The following APBB2 variants were observed in gnomAD, a reference collection of about 807,000 sequenced individuals.
APBB2 encodes Fe65-like 1.
In APBB2, 38 loss-of-function variants were observed where a neutral mutation model predicts 82.5. That is an observed-to-expected ratio of 0.46 (90% CI 0.36 to 0.60). The LOEUF is 0.60. Among genes scored for constraint, APBB2 ranks in the 20% least tolerant of loss-of-function variants. The pLI is 0.00. For synonymous variants in APBB2, 341 were observed against 368.2 expected (o/e 0.93, Z 0.85); for missense variants, 772 against 972.3 (o/e 0.79, Z 2.74).
chr4:41,183,609 C>T (rs560114629), intron 1 of APBB2, among the ~76,000 whole-genome samples: 5 of 152,152 alleles, frequency 3.3e-5, no homozygotes, highest in African/African-American at 1.2e-4. Flanking sequence ...AGGAATGCCA[C>T]ATATTGCCAG....
intron 7 of APBB2, among the ~76,000 whole-genome samples, chr4:40,939,240 G>T (rs1786208033): frequency 6.6e-6 from 1 of 152,164 alleles, no homozygotes; most frequent in Admixed American, 6.5e-5. Flanking sequence ...GAATGCTGGG[G>T]TTCAAATTCT....
rs570694599 is a variant in APBB2, at chr4:41,174,265, C to A, written c.-416-31123G>T. 4.3e-4 allele frequency among the ~76,000 whole-genome samples: 65 copies of A among 152,298 alleles called. No individual in the cohort carries two copies. The South Asian group carries it at 0.013, about 32-fold the overall frequency. On this transcript the variant is annotated intron_variant, in intron 1 of 17. Coordinates refer to ENST00000508593, the MANE Select transcript of APBB2 (RefSeq NM_004307.2). The stretch of plus-strand genomic sequence containing the variant: ...TCACAATCACGGGATTAATATAATA[C>A]ATACAAGCATGCACACACACATATC...
intron 6 of APBB2, among the ~76,000 whole-genome samples, chr4:40,945,604 T>C (rs1288706040): frequency 2.0e-5 from 3 of 152,194 alleles, no homozygotes; most frequent in African/African-American, 7.2e-5. Context: ...AGTAGTCTTT[T>C]ATAATACTCT....
At chr4:40,986,368 T>G (rs559924570) in intron 6 of APBB2, among the ~76,000 whole-genome samples, 1 of 152,378 alleles carries the variant, frequency 6.6e-6, no homozygotes, top group South Asian at 2.1e-4. Context: ...TTTCTATCCT[T>G]CTTCACATGA....
At chr4:40,823,620 A>G in intron 16 of APBB2, 24 bp downstream of exon 16, 2 of 1,511,590 alleles carry the variant, frequency 1.3e-6, no homozygotes, top group Non-Finnish European at 1.8e-6. Flanking sequence ...AGACACACCA[A>G]TGTCATCGAA....
At chr4:40,880,195 TGA>T in intron 12 of APBB2, 3 of 983,348 alleles carry the variant, frequency 3.1e-6, no homozygotes, top group Non-Finnish European at 3.6e-6. Flanking sequence ...TTGCAAATGG[TGA>T]GATTCCTACT....
At chr4:40,990,572 C>T (rs984046945) in intron 6 of APBB2, among the ~76,000 whole-genome samples, 4 of 152,134 alleles carry the variant, frequency 2.6e-5, no homozygotes, top group Admixed American at 6.5e-5. Flanking sequence ...CACAGCCTAC[C>T]ATTCCAAACC....
intron 6 of APBB2, among the ~76,000 whole-genome samples, chr4:40,946,254 A>AAAAAAAAAAAAAAAAAAC (rs1553875174): frequency 0.015 from 1,684 of 114,386 alleles, 170 homozygotes; most frequent in Non-Finnish European, 0.022. Context: ...AAAAAAAAAA[A>AAAAAAAAAAAAAAAAAAC]CATTCCCAAG....
intron 4 of APBB2, among the ~76,000 whole-genome samples, chr4:41,051,759 C>T (rs1261098539): frequency 6.6e-6 from 1 of 152,194 alleles, no homozygotes; most frequent in Middle Eastern, 3.2e-3. Flanking sequence ...CTAAGAGCAT[C>T]TACCACCTTT....
chr4:41,159,624 T>C (rs1238579838), intron 1 of APBB2, among the ~76,000 whole-genome samples: 1 of 152,190 alleles, frequency 6.6e-6, no homozygotes, highest in East Asian at 1.9e-4. Flanking sequence ...AAAATCACTA[T>C]GTAATCTGTC....
chr4:40,960,316 T>C (rs1019740335), intron 6 of APBB2, among the ~76,000 whole-genome samples: 3 of 151,862 alleles, frequency 2.0e-5, no homozygotes, highest in Non-Finnish European at 4.4e-5. Context: ...ATAAAACATA[T>C]AAATATATTT....
chr4:40,852,249 G>C (rs527308904), intron 12 of APBB2, among the ~76,000 whole-genome samples: 17 of 151,770 alleles, frequency 1.1e-4, no homozygotes, highest in African/African-American at 1.5e-4. Context: ...TATTTGGGAG[G>C]CTGAGGCAGG....
chr4:40,925,783 T>C (rs1782468785), intron 10 of APBB2, among the ~76,000 whole-genome samples: 1 of 152,370 alleles, frequency 6.6e-6, no homozygotes, highest in East Asian at 1.9e-4. Context: ...TATCTATTAG[T>C]GCTAATCTAG....
At chr4:41,061,157 A>T (rs901298046) in intron 4 of APBB2, among the ~76,000 whole-genome samples, 3 of 152,234 alleles carry the variant, frequency 2.0e-5, no homozygotes, top group African/African-American at 4.8e-5. Context: ...AACAGTCCAG[A>T]TCCTCACAGC....
chr4:40,880,225 G>T (rs747725594), intron 12 of APBB2: 1 of 985,330 alleles, frequency 1.0e-6, no homozygotes, highest in Non-Finnish European at 1.2e-6. Context: ...TCCTTCTCTT[G>T]ACCTACTCTA....
intron 6 of APBB2, among the ~76,000 whole-genome samples, chr4:41,010,755 G>A (rs1252604089): frequency 6.6e-6 from 1 of 152,240 alleles, no homozygotes; most frequent in Non-Finnish European, 1.5e-5. Context: ...AAAATGGACT[G>A]ATCTACAAAA....
chr4:40,948,781 AAAG>A (rs1183848066), intron 6 of APBB2, among the ~76,000 whole-genome samples: 3 of 149,438 alleles, frequency 2.0e-5, no homozygotes, highest in Non-Finnish European at 4.5e-5. Flanking sequence ...AAAAAAAAAA[AAAG>A]AGCCTAATGT....
At chr4:41,085,195 G>A (rs535022167) in intron 3 of APBB2, among the ~76,000 whole-genome samples, 3 of 148,128 alleles carry the variant, frequency 2.0e-5, no homozygotes, top group Admixed American at 6.8e-5. Flanking sequence ...AGCTTGCAGT[G>A]AGCCAAAATT....
At chr4:41,025,956 AAAAAAAAG>A (rs1451752814) in intron 5 of APBB2, among the ~76,000 whole-genome samples, 2 of 151,578 alleles carry the variant, frequency 1.3e-5, no homozygotes, top group South Asian at 4.2e-4. Context: ...AAAAAAAAAA[AAAAAAAAG>A]AAAAAAAGGA....
Sources: gnomAD v4.1 joint callset for allele counts (sites outside exome capture counted in the v4.1 genomes callset) on GRCh38, gnomAD v4.1.1 for gene constraint, MANE v1.5 for transcripts, NCBI Gene and HGNC (gene_info 2026-07-23, HGNC 2026-07-21) for gene names.